The following CYFIP1 variants were observed in gnomAD, a reference collection of about 807,000 sequenced individuals.
CYFIP1 encodes cytoplasmic FMR1-interacting protein 1.
CYFIP1 carries 58 observed loss-of-function variants against 163.5 expected under a neutral mutation model. The observed-to-expected ratio is 0.35, with a 90% CI of 0.29 to 0.44. The LOEUF is 0.44. Ranked by LOEUF, CYFIP1 falls within the 20% of genes least tolerant of loss-of-function variation. CYFIP1 has a pLI of 1.00. For synonymous variants in CYFIP1, 663 were observed against 660.7 expected (o/e 1.00, Z -0.05); for missense variants, 1,338 against 1,653.8 (o/e 0.81, Z 3.31).
intron 1 of CYFIP1, among the ~76,000 whole-genome samples, chr15:22,979,133 T>A (rs1215371972): frequency 6.6e-6 from 1 of 152,152 alleles, no homozygotes; most frequent in East Asian, 1.9e-4. Context: ...ACCGGCACTA[T>A]ATCCCTACTG....
At position 22,867,126 on chromosome 15, in the gene CYFIP1, A is replaced by G. The variant is rs769582055; in HGVS notation, c.*2902T>C. 35 of 482,302 alleles carry G rather than the reference A, an allele frequency of 7.3e-5. No homozygotes were observed. The highest frequency in any genetic ancestry group is 3.2e-4 in the East Asian group (10 of 31,310). 29.9% of individuals were successfully genotyped at this position (482,302 alleles called of 1,614,324 possible). On this transcript the variant is annotated 3_prime_UTR_variant, in exon 31 of 31. Coordinates refer to ENST00000617928, the MANE Select transcript of CYFIP1 (RefSeq NM_014608.6). The stretch of plus-strand genomic sequence containing the variant: ...TCTCCAAAAGCCGAATGCACTAATG[A>G]CAGTTTTAAGTCTATGAAAATGCTT...
chr15:22,884,652 C>T (rs1252844197), intron 23 of CYFIP1, among the ~76,000 whole-genome samples: 2 of 152,130 alleles, frequency 1.3e-5, no homozygotes, highest in Admixed American at 1.3e-4. Context: ...GAGGGTGGCC[C>T]TCTTTTTACA....
intron 23 of CYFIP1, 119 bp downstream of exon 23, chr15:22,892,771 T>C: frequency 1.4e-6 from 1 of 713,054 alleles, no homozygotes; most frequent in Non-Finnish European, 2.3e-6. Context: ...AAAAAAAAAA[T>C]AACATTTTAT....
At chr15:22,946,972 A>G in intron 3 of CYFIP1, 31 bp downstream of exon 3, 1 of 1,579,148 alleles carries the variant, frequency 6.3e-7, no homozygotes, top group Non-Finnish European at 8.7e-7. Flanking sequence ...CCTTCTCTGC[A>G]GAGAGAAACA....
chr15:22,867,723 T>C lies in CYFIP1; in HGVS notation c.*2305A>G, dbSNP rs1566890421. On this transcript the variant is annotated 3_prime_UTR_variant, in exon 31 of 31. Transcript: ENST00000617928. ...GTTATAATAAAAAGTTGAAATGAAG[T>C]TCTTATTCTAAAAGTCTGAATGCTT... 1 of 152,260 alleles carries C rather than the reference T, an allele frequency of 6.6e-6. No individual in the cohort carries two copies. The highest frequency in any genetic ancestry group is 2.4e-5 in the African/African-American group (1 of 41,434). 9.4% of individuals were successfully genotyped at this position (152,260 alleles called of 1,614,324 possible).
At chr15:22,872,282 C>T (rs566458186) in intron 30 of CYFIP1, among the ~76,000 whole-genome samples, 14 of 122,128 alleles carry the variant, frequency 1.1e-4, no homozygotes, top group Non-Finnish European at 2.3e-4. Context: ...GCAACAAGAG[C>T]GAAACTGTCT....
In CYFIP1 at chr15:22,869,930, G is replaced by A; in HGVS notation, c.*98C>T. 3 of 1,171,834 alleles carry A rather than the reference G, an allele frequency of 2.6e-6. No homozygotes were observed. Among genetic ancestry groups the A allele is most frequent in the Non-Finnish European group, 3.4e-6 (3 of 879,826 alleles). 72.6% of individuals were successfully genotyped at this position (1,171,834 alleles called of 1,614,324 possible). A position where few individuals can be genotyped will look rare whatever the true frequency, so the allele number is the denominator to read the frequency against. ...AGATCGAAAAGCACCCCCTTTAACA[G>A]GTACAGAGATACTGAAAAATAGTCC... On this transcript the variant is annotated 3_prime_UTR_variant, in exon 31 of 31. Transcript: ENST00000617928.
intron 27 of CYFIP1, among the ~76,000 whole-genome samples, 162 bp from the exon 28 acceptor site, chr15:22,874,806 A>C (rs562575276): frequency 2.8e-4 from 42 of 152,316 alleles, no homozygotes; most frequent in African/African-American, 9.4e-4. Flanking sequence ...TAATATTTTA[A>C]TTCAAACCGG....
chr15:22,972,222 G>T (rs1309707532), intron 1 of CYFIP1, among the ~76,000 whole-genome samples: 1 of 152,120 alleles, frequency 6.6e-6, no homozygotes, highest in Non-Finnish European at 1.5e-5. Flanking sequence ...GATCACCTGA[G>T]GGCAGGAGTT....
At chr15:22,941,605 G>C (rs1208198032) in intron 6 of CYFIP1, among the ~76,000 whole-genome samples, 2 of 152,012 alleles carry the variant, frequency 1.3e-5, no homozygotes, top group Non-Finnish European at 2.9e-5. Context: ...TTAACCAACA[G>C]GGGTCCCAGA....
At chr15:22,977,839 AT>A (rs2063328791) in intron 1 of CYFIP1, among the ~76,000 whole-genome samples, 1 of 152,164 alleles carries the variant, frequency 6.6e-6, no homozygotes, top group Non-Finnish European at 1.5e-5. Flanking sequence ...CTCACAAAAA[AT>A]AAAATAAAAT....
chr15:22,899,108 G>A (rs1438119932), intron 22 of CYFIP1, among the ~76,000 whole-genome samples: 1 of 151,772 alleles, frequency 6.6e-6, no homozygotes, highest in Non-Finnish European at 1.5e-5. Flanking sequence ...AAAGTGCTAG[G>A]ATTACAGGTG....
At position 22,943,285 on chromosome 15, in the gene CYFIP1, CG is replaced by C; in HGVS notation, c.456del (p.Phe152LeufsTer7). On this transcript the variant is annotated frameshift_variant, in exon 6 of 31. Transcript: ENST00000617928. LOFTEE classifies it high-confidence loss of function. ...RLCHAERRKD[F>X]VSEAYLITLG... ...AGTGTGATCAGGTAGGCTTCTGACA[CG>C]AAGTCCTTCCTCCTCTCGGCATGGC... 6.2e-7 allele frequency: 1 copy of C among 1,614,232 alleles called. No homozygotes were observed. Among genetic ancestry groups the C allele is most frequent in the Non-Finnish European group, 8.5e-7 (1 of 1,180,036 alleles).
At chr15:22,963,142 G>T (rs1467826225) in intron 1 of CYFIP1, among the ~76,000 whole-genome samples, 1 of 152,208 alleles carries the variant, frequency 6.6e-6, no homozygotes, top group Non-Finnish European at 1.5e-5. Flanking sequence ...GGAGAGAGAA[G>T]TGTTTGAATT....
intron 17 of CYFIP1, among the ~76,000 whole-genome samples, chr15:22,913,068 T>C (rs549354323): frequency 2.0e-5 from 3 of 151,086 alleles, no homozygotes; most frequent in African/African-American, 7.3e-5. Context: ...TGGTGGCGCA[T>C]GCCTGTAGTC....
intron 26 of CYFIP1, among the ~76,000 whole-genome samples, chr15:22,875,853 A>G (rs2059567964): frequency 7.8e-6 from 1 of 128,766 alleles, no homozygotes; most frequent in Admixed American, 9.1e-5. Flanking sequence ...CAGAGGTAAT[A>G]AAAACCACAC....
intron 26 of CYFIP1, among the ~76,000 whole-genome samples, chr15:22,877,979 C>G (rs547627592): frequency 6.6e-6 from 1 of 152,232 alleles, no homozygotes; most frequent in South Asian, 2.1e-4. Context: ...TCCCCAGAGG[C>G]CTGGCAGTCT....
In CYFIP1 at chr15:22,879,984, T is replaced by C; in HGVS notation, c.2971A>G (p.Thr991Ala). 6.2e-7 allele frequency: 1 copy of C among 1,613,938 alleles called. No individual in the cohort carries two copies. The highest frequency in any genetic ancestry group is 8.5e-7 in the Non-Finnish European group (1 of 1,179,970). ...TCCCGCAGGTTCTGGAAGCACACCG[T>C]CTTCAGCTCTGCGTACTCCACGATG... The part of the protein sequence containing the change: ...KDIVEYAELK[T>A]VCFQNLREVG... Residue 991 changes from threonine (T) to alanine (A), a missense_variant, in exon 26 of 31, where the codon ACG becomes GCG. Coordinates refer to ENST00000617928, the MANE Select transcript of CYFIP1 (RefSeq NM_014608.6).
intron 18 of CYFIP1, 84 bp from the exon 19 acceptor site, chr15:22,910,897 A>C: frequency 8.4e-7 from 1 of 1,192,930 alleles, no homozygotes; most frequent in Non-Finnish European, 1.2e-6. Context: ...TGTTTCGTTA[A>C]GGCAACTAAC....
Sources: allele counts gnomAD v4.1 joint callset (sites outside exome capture counted in the v4.1 genomes callset), GRCh38; gene constraint gnomAD v4.1.1; transcripts MANE v1.5; gene names NCBI Gene and HGNC (gene_info 2026-07-23, HGNC 2026-07-21).